PGM2: variants seen among roughly 807,000 people sequenced by gnomAD.
PGM2 encodes phosphoglucomutase 2, also known as phosphopentomutase.
Under a neutral mutation model 74.6 loss-of-function variants are expected in PGM2, and 57 were observed. The ratio of observed to expected loss-of-function variants is 0.76; its 90% CI spans 0.62 to 0.95. PGM2 has a LOEUF of 0.95. PGM2 is among the 40% of genes least tolerant of loss of function. The probability of loss-of-function intolerance (pLI) is 0.00; values close to 1 mark genes in which losing one functional copy is unlikely to be tolerated. For synonymous variants in PGM2, 273 were observed against 260.7 expected, an observed-to-expected ratio of 1.05 and a Z score of -0.46; for missense variants, 706 against 741.9, an observed-to-expected ratio of 0.95 and a Z score of 0.56.
chr4:37,850,275 G>T lies in PGM2; in HGVS notation c.1504G>T (p.Gly502Ter). ...KLFENLRNYD[G>*]KNNYPKACGK... ...ATTTGAAAACCTCAGAAACTACGAT[G>T]GAAAAAATAATTATCCAAAAGCTTG... The change falls in exon 12 of 14, where the codon GGA becomes TGA. Residue 502 changes from glycine (G) to a stop codon, truncating the protein, a stop_gained. Transcript: ENST00000381967. LOFTEE classifies it high-confidence loss of function. 6.3e-7 allele frequency: 1 copy of T among 1,587,794 alleles called. No individual in the cohort carries two copies. The highest frequency in any genetic ancestry group is 8.5e-7 in the Non-Finnish European group (1 of 1,171,084).
At chr4:37,829,918 T>C in intron 1 of PGM2, 46 bp from the exon 2 acceptor site, 1 of 1,238,820 alleles carries the variant, frequency 8.1e-7, no homozygotes, top group Non-Finnish European at 1.1e-6. Flanking sequence ...CATTTCTGAT[T>C]TTTCATTCAC....
intron 1 of PGM2, among the ~76,000 whole-genome samples, chr4:37,828,620 T>C (rs1171663346): frequency 1.3e-5 from 2 of 152,224 alleles, no homozygotes; most frequent in Non-Finnish European, 2.9e-5. Context: ...TACTCTTGAC[T>C]TGTCATTCTT....
At chr4:37,846,319 C>T (rs1725870509) in intron 8 of PGM2, among the ~76,000 whole-genome samples, 2 of 149,488 alleles carry the variant, frequency 1.3e-5, no homozygotes, top group African/African-American at 2.5e-5. Flanking sequence ...GGTGCTGCTG[C>T]TGAAATGGTA....
Position 37,837,703 on chromosome 4 carries a change from G to T in PGM2, c.441+90G>T, listed in dbSNP as rs1170874616. 1.3e-5 allele frequency: 11 copies of T among 825,362 alleles called. No individual in the cohort carries two copies. The East Asian group carries it at 2.7e-4, about 20-fold the overall frequency. 51.1% of individuals were successfully genotyped at this position (825,362 alleles called of 1,614,324 possible). A position where few individuals can be genotyped will look rare whatever the true frequency, so the allele number is the denominator to read the frequency against. ...TATAGTCTTTAGGGCTATTGGGATT[G>T]GACTGTTTGAATGACAGAGGAGTTC... On this transcript the variant is annotated intron_variant, in intron 4 of 13. Transcript: ENST00000381967.
At chr4:37,849,242 A>G (rs1288426290) in intron 11 of PGM2, among the ~76,000 whole-genome samples, 3 of 152,026 alleles carry the variant, frequency 2.0e-5, no homozygotes, top group Non-Finnish European at 4.4e-5. Context: ...TTCATAATAC[A>G]TCTATTCATT....
intron 13 of PGM2, among the ~76,000 whole-genome samples, chr4:37,856,204 T>C (rs2995933): frequency 1 from 150,739 of 150,952 alleles, 75,264 homozygotes; most frequent in Middle Eastern, 1. Flanking sequence ...GCTAACACGG[T>C]GAAACCCCGT....
At chr4:37,845,572 A>C in intron 7 of PGM2, 61 bp from the exon 8 acceptor site, 1 of 1,164,108 alleles carries the variant, frequency 8.6e-7, no homozygotes, top group Non-Finnish European at 1.3e-6. Context: ...GAATGTTTTT[A>C]AAGACTATCA....
chr4:37,856,076 T>C (rs1000928950), intron 13 of PGM2, among the ~76,000 whole-genome samples: 5 of 152,292 alleles, frequency 3.3e-5, no homozygotes, highest in African/African-American at 1.2e-4. Flanking sequence ...AGTCTTCCCA[T>C]GTCTCTGATA....
At position 37,850,246 on chromosome 4, in the gene PGM2, A is replaced by C. The variant is rs775461695; in HGVS notation, c.1475A>C (p.Lys492Thr). ...FICHDQETIKKLFENLRNYDG... is the reference protein window; with the variant it reads ...FICHDQETIKTLFENLRNYDG... ...TGCCATGATCAAGAAACCATTAAGA[A>C]ATTATTTGAAAACCTCAGAAACTAC... The change falls in exon 12 of 14, where the codon AAA (lysine) becomes ACA (threonine). Residue 492 changes from lysine (K) to threonine (T), a missense_variant. By Grantham distance (78) the Lys-to-Thr change is moderately conservative. This residue lies in a region of PGM2 where 359 missense variants were observed against 371.1 expected (regional missense o/e 0.97). Transcript: ENST00000381967. 4 of 1,584,266 alleles carry C rather than the reference A, an allele frequency of 2.5e-6. No homozygotes were observed.
intron 4 of PGM2, among the ~76,000 whole-genome samples, chr4:37,838,594 GT>G (rs1175222574): frequency 1.3e-5 from 2 of 152,132 alleles, no homozygotes; most frequent in Admixed American, 6.5e-5. Flanking sequence ...TTCATTTTGT[GT>G]TTGCCGGCTC....
intron 8 of PGM2, 84 bp downstream of exon 8, chr4:37,845,814 C>T: frequency 1.1e-6 from 1 of 890,248 alleles, no homozygotes; most frequent in Non-Finnish European, 1.9e-6. Flanking sequence ...GGAGACGGGA[C>T]CTATTTGGAA....
intron 10 of PGM2, 62 bp from the exon 11 acceptor site, chr4:37,848,460 C>T: frequency 7.0e-7 from 1 of 1,429,100 alleles, no homozygotes. Context: ...AGCCAGGATT[C>T]ATACTCATAT....
chr4:37,831,147 T>G (rs1230575777), intron 2 of PGM2, among the ~76,000 whole-genome samples: 2 of 140,056 alleles, frequency 1.4e-5, no homozygotes, highest in Non-Finnish European at 3.0e-5. Flanking sequence ...GAGCCGACAT[T>G]GTGCCACTGG....
At chr4:37,840,496 C>T (rs1725679840) in intron 6 of PGM2, among the ~76,000 whole-genome samples, 1 of 152,210 alleles carries the variant, frequency 6.6e-6, no homozygotes, top group Admixed American at 6.5e-5. Context: ...GATTCTTGTG[C>T]CTCAGCCTCC....
At chr4:37,856,943 C>CT (rs529310486) in intron 13 of PGM2, among the ~76,000 whole-genome samples, 37 of 151,252 alleles carry the variant, frequency 2.4e-4, no homozygotes, top group Non-Finnish European at 5.0e-4. Flanking sequence ...GTTTTACATT[C>CT]TTTTTTTTTC....
rs146241318 is a variant in PGM2 at position 37,845,686 on chromosome 4, C to T, written c.963C>T (p.Asn321=). ...CCAAGGCCAGAATTGTTTTAGCTAACGACCCGGATGCTGATAGACTTGCTG... is the reference window on the plus strand; with the variant it reads ...CCAAGGCCAGAATTGTTTTAGCTAATGACCCGGATGCTGATAGACTTGCTG... ...DKTKARIVLA[N]DPDADRLAVA... Residue 321 remains asparagine, a synonymous_variant, in exon 8 of 14, where the codon AAC becomes AAT. Coordinates refer to ENST00000381967, the MANE Select transcript of PGM2 (RefSeq NM_018290.4). 4.2e-5 allele frequency: 67 copies of T among 1,613,420 alleles called. No homozygotes were observed. The African/African-American group carries it at 4.7e-4, about 11-fold the overall frequency.
At chr4:37,853,306 G>GT (rs1292557131) in intron 12 of PGM2, among the ~76,000 whole-genome samples, 1 of 150,240 alleles carries the variant, frequency 6.7e-6, no homozygotes, top group Non-Finnish European at 1.5e-5. Flanking sequence ...CCCAGCTAAG[G>GT]TTTTTTAGTT....
At chr4:37,841,098 A>ATGTGTGTGTGTG (rs66836878) in intron 6 of PGM2, among the ~76,000 whole-genome samples, 62 of 114,836 alleles carry the variant, frequency 5.4e-4, no homozygotes, top group African/African-American at 2.0e-3. Flanking sequence ...ATATATATAT[A>ATGTGTGTGTGTG]TATGTGTGTG....
chr4:37,860,142 A>G lies in PGM2; in HGVS notation c.1737-1368A>G, dbSNP rs79736085. ...TGATTAAGAAATAAATTTGAATAAT[A>G]AATTAGTAATCAGTAAATTCACCAA... is the stretch of plus-strand genomic sequence containing the variant. On this transcript the variant is annotated intron_variant, in intron 13 of 13. Transcript: ENST00000381967. Among the ~76,000 whole-genome samples, 56 of 152,346 alleles carry G rather than the reference A, an allele frequency of 3.7e-4. 1 individual carries two copies. The East Asian group carries it at 0.011, about 29-fold the overall frequency.
Sources: gnomAD v4.1 joint callset for allele counts (sites outside exome capture counted in the v4.1 genomes callset) on GRCh38, gnomAD v4.1.1 for gene constraint, gnomAD v4.1.1 regional missense constraint, MANE v1.5 for transcripts, NCBI Gene and HGNC (gene_info 2026-07-23, HGNC 2026-07-21) for gene names.